Variants in UNC5D observed in about 807,000 individuals in gnomAD.
UNC5D encodes unc-5 netrin receptor D.
In UNC5D, 39 loss-of-function variants were observed where a neutral mutation model predicts 105.4. That is an observed-to-expected ratio of 0.37 (90% confidence interval 0.29 to 0.48). The LOEUF (loss-of-function observed/expected upper bound fraction) is 0.48. Ranked by LOEUF, UNC5D falls within the 20% of genes least tolerant of loss-of-function variation. The pLI, the probability that UNC5D is intolerant of heterozygous loss-of-function variation, is 0.98. For missense variants in UNC5D, 991 were observed against 1,202.4 expected (o/e 0.82, Z 2.60); for synonymous variants, 452 against 450.4 (o/e 1.00, Z -0.04).
intron 4 of UNC5D, among the ~76,000 whole-genome samples, chr8:35,634,094 G>T (rs2131093172): frequency 6.6e-6 from 1 of 152,220 alleles, no homozygotes; most frequent in East Asian, 1.9e-4. Flanking sequence ...TGATCTTTAG[G>T]TTTCACATCG....
chr8:35,443,818 G>A (rs1016315556), intron 1 of UNC5D, among the ~76,000 whole-genome samples: 1 of 151,932 alleles, frequency 6.6e-6, no homozygotes, highest in Non-Finnish European at 1.5e-5. Flanking sequence ...CTCCATGGAA[G>A]TGTATCAAAA....
intron 1 of UNC5D, among the ~76,000 whole-genome samples, chr8:35,453,390 A>G (rs1001927354): frequency 6.6e-6 from 1 of 152,166 alleles, no homozygotes; most frequent in African/African-American, 2.4e-5. Flanking sequence ...AAATCCAAGG[A>G]CATAGTTAAC....
At chr8:35,505,942 A>G (rs1812279261) in intron 1 of UNC5D, among the ~76,000 whole-genome samples, 1 of 152,216 alleles carries the variant, frequency 6.6e-6, no homozygotes, top group Admixed American at 6.5e-5. Flanking sequence ...TAATGAAATA[A>G]TACACCGAAA....
At chr8:35,341,095 A>G (rs1811422937) in intron 1 of UNC5D, among the ~76,000 whole-genome samples, 1 of 152,154 alleles carries the variant, frequency 6.6e-6, no homozygotes, top group Non-Finnish European at 1.5e-5. Context: ...GCTGATGTTG[A>G]CACAGCTAAA....
At chr8:35,451,613 T>G (rs575796646) in intron 1 of UNC5D, among the ~76,000 whole-genome samples, 1 of 152,184 alleles carries the variant, frequency 6.6e-6, no homozygotes, top group Non-Finnish European at 1.5e-5. Context: ...TTTTATTCCC[T>G]TTATATTCTT....
intron 1 of UNC5D, among the ~76,000 whole-genome samples, chr8:35,427,496 T>C (rs777957101): frequency 6.6e-6 from 1 of 152,208 alleles, no homozygotes; most frequent in Non-Finnish European, 1.5e-5. Flanking sequence ...GCAGGGTGGA[T>C]GTCAAACATA....
chr8:35,456,847 A>T (rs573690522), intron 1 of UNC5D, among the ~76,000 whole-genome samples: 1 of 152,212 alleles, frequency 6.6e-6, no homozygotes, highest in Non-Finnish European at 1.5e-5. Context: ...AATAGTAAAC[A>T]TGCATTATAC....
At chr8:35,651,403 T>C (rs1038027015) in intron 4 of UNC5D, among the ~76,000 whole-genome samples, 3 of 151,998 alleles carry the variant, frequency 2.0e-5, no homozygotes, top group African/African-American at 4.8e-5. Context: ...GTAAACACAG[T>C]TGAGAGAACA....
intron 4 of UNC5D, among the ~76,000 whole-genome samples, chr8:35,597,167 A>G (rs1819540896): frequency 6.6e-6 from 1 of 152,222 alleles, no homozygotes; most frequent in Admixed American, 6.5e-5. Context: ...TTTAGAAAGC[A>G]TGCTGGGTGG....
intron 13 of UNC5D, among the ~76,000 whole-genome samples, chr8:35,753,557 G>C (rs75680790): frequency 6.6e-6 from 1 of 152,078 alleles, no homozygotes; most frequent in Non-Finnish European, 1.5e-5. Flanking sequence ...CCAGCAGAGA[G>C]GTATTTCTTA....
At chr8:35,681,625 A>G (rs748058930) in intron 4 of UNC5D, among the ~76,000 whole-genome samples, 13 of 152,174 alleles carry the variant, frequency 8.5e-5, no homozygotes, top group Non-Finnish European at 1.8e-4. Context: ...TAGTACCTAC[A>G]CTTCCAGGCT....
intron 11 of UNC5D, among the ~76,000 whole-genome samples, chr8:35,746,458 A>G (rs947301539): frequency 6.6e-6 from 1 of 152,154 alleles, no homozygotes; most frequent in Non-Finnish European, 1.5e-5. Flanking sequence ...ACCCATGGAC[A>G]CTATTTTCAC....
chr8:35,675,653 G>A (rs536333098), intron 4 of UNC5D, among the ~76,000 whole-genome samples: 10 of 152,024 alleles, frequency 6.6e-5, no homozygotes, highest in Non-Finnish European at 1.3e-4. Flanking sequence ...TATGAGGGTA[G>A]ATTTTTGGGT....
At chr8:35,240,739 G>T (rs891167572) in intron 1 of UNC5D, among the ~76,000 whole-genome samples, 2 of 152,126 alleles carry the variant, frequency 1.3e-5, no homozygotes, top group East Asian at 1.9e-4. Context: ...GATGACAAAA[G>T]TACTCAAATG....
intron 2 of UNC5D, among the ~76,000 whole-genome samples, chr8:35,550,424 G>A (rs1029509624): frequency 4.6e-5 from 7 of 152,104 alleles, no homozygotes; most frequent in Admixed American, 3.9e-4. Context: ...ACGTTAGATT[G>A]TTGATTTTTT....
intron 14 of UNC5D, among the ~76,000 whole-genome samples, chr8:35,760,876 A>C (rs570605760): frequency 1.3e-5 from 2 of 152,272 alleles, no homozygotes; most frequent in East Asian, 1.9e-4. Context: ...GGTTAAAAAA[A>C]TGTTGTACCA....
chr8:35,408,402 G>A (rs986656424), intron 1 of UNC5D, among the ~76,000 whole-genome samples: 12 of 150,952 alleles, frequency 7.9e-5, no homozygotes, highest in Admixed American at 6.6e-4. Flanking sequence ...TAGTCTTAAC[G>A]CACATCAGGA....
At chr8:35,561,329 C>A (rs914386019) in intron 2 of UNC5D, among the ~76,000 whole-genome samples, 26 of 152,242 alleles carry the variant, frequency 1.7e-4, no homozygotes, top group African/African-American at 6.0e-4. Flanking sequence ...TGTTTCTTCC[C>A]ATGCAAACCA....
At chr8:35,295,285 A>G (rs117761956) in intron 1 of UNC5D, among the ~76,000 whole-genome samples, 1,906 of 152,310 alleles carry the variant, frequency 0.013, 18 homozygotes, top group Middle Eastern at 0.037. Flanking sequence ...GCTAAAATGG[A>G]TTAGTATCTC....
Sources: gnomAD v4.1 joint callset for allele counts (sites outside exome capture counted in the v4.1 genomes callset) on GRCh38, gnomAD v4.1.1 for gene constraint, MANE v1.5 for transcripts, NCBI Gene and HGNC (gene_info 2026-07-23, HGNC 2026-07-21) for gene names.